Variants in EFCAB13 observed in about 807,000 individuals in gnomAD.
EFCAB13 encodes the protein EF-hand calcium binding domain 13.
A neutral mutation model predicts 110.2 loss-of-function variants in EFCAB13; 91 were observed. The ratio of observed to expected loss-of-function variants is 0.83; its 90% CI spans 0.70 to 0.98. EFCAB13 has a LOEUF of 0.98. Ranked by LOEUF, EFCAB13 falls within the 50% of genes least tolerant of loss-of-function variation. EFCAB13 has a pLI of 0.00. For missense variants in EFCAB13, 968 were observed against 1,119.4 expected (o/e 0.86, Z 1.93); for synonymous variants, 323 against 369.9 (o/e 0.87, Z 1.45).
intron 24 of EFCAB13, among the ~76,000 whole-genome samples, chr17:47,435,235 G>A (rs918029531): frequency 5.9e-5 from 9 of 151,958 alleles, no homozygotes; most frequent in African/African-American, 2.2e-4. Context: ...TGAATAGACA[G>A]TTCTCAAAAG....
Position 47,440,551 on chromosome 17 carries a change from C to A in EFCAB13, c.2759C>A (p.Ala920Glu). The A allele has an allele frequency of 6.2e-7, 1 of 1,613,188 alleles. No homozygotes were observed. The highest frequency in any genetic ancestry group is 8.5e-7 in the Non-Finnish European group (1 of 1,179,602). ...CTYCPDLERQAVVYMLKTIQD... is the reference protein window; with the variant it reads ...CTYCPDLERQEVVYMLKTIQD... ...TATTGCCCAGATCTAGAAAGGCAAG[C>A]AGTGGTTTACATGTTAAAAACAATA... The change falls in exon 25 of 25, where the codon GCA (alanine) becomes GAA (glutamate). Residue 920 changes from alanine (A) to glutamate (E), a missense_variant. Transcript: ENST00000331493.
At chr17:47,385,638 A>G (rs2065671893) in intron 14 of EFCAB13, among the ~76,000 whole-genome samples, 1 of 152,122 alleles carries the variant, frequency 6.6e-6, no homozygotes, top group South Asian at 2.1e-4. Context: ...TCTGAAGCCT[A>G]CGTCTGTCAA....
chr17:47,406,791 G>A (rs1359027522), intron 20 of EFCAB13, among the ~76,000 whole-genome samples: 1 of 152,114 alleles, frequency 6.6e-6, no homozygotes, highest in East Asian at 1.9e-4. Flanking sequence ...GAAATGTCAA[G>A]ATAACTCACA....
chr17:47,403,834 G>T, intron 18 of EFCAB13, 44 bp from the exon 19 acceptor site: 1 of 1,539,186 alleles, frequency 6.5e-7, no homozygotes. Context: ...TGTCTTGAGT[G>T]ATGGCTACTG....
At chr17:47,351,559 G>A (rs1417041649) in intron 9 of EFCAB13, among the ~76,000 whole-genome samples, 3 of 151,868 alleles carry the variant, frequency 2.0e-5, no homozygotes, top group Non-Finnish European at 4.4e-5. Flanking sequence ...CATAATGCTC[G>A]TTTGGCCATT....
At chr17:47,367,883 C>G (rs935289300) in intron 10 of EFCAB13, among the ~76,000 whole-genome samples, 1 of 152,072 alleles carries the variant, frequency 6.6e-6, no homozygotes, top group South Asian at 2.1e-4. Flanking sequence ...CAAAGTTTTC[C>G]AGATTTCTGA....
At chr17:47,341,017 C>G (rs1161806758) in intron 5 of EFCAB13, among the ~76,000 whole-genome samples, 3 of 151,874 alleles carry the variant, frequency 2.0e-5, no homozygotes, top group Non-Finnish European at 4.4e-5. Flanking sequence ...ACGTCACCAC[C>G]TAGAGAGTGG....
chr17:47,366,031 T>C (rs1262622070), intron 10 of EFCAB13, among the ~76,000 whole-genome samples: 1 of 152,136 alleles, frequency 6.6e-6, no homozygotes, highest in African/African-American at 2.4e-5. Context: ...TAAGGAATAA[T>C]ATAACACAGT....
chr17:47,387,215 C>A (rs1333091628), intron 14 of EFCAB13, among the ~76,000 whole-genome samples: 1 of 152,164 alleles, frequency 6.6e-6, no homozygotes, highest in Non-Finnish European at 1.5e-5. Context: ...GTTGAGACTT[C>A]TTTTGTGGCC....
In EFCAB13 at chr17:47,349,899, C is replaced by T. The variant is rs1043874985; in HGVS notation, c.661+1948C>T. Among the ~76,000 whole-genome samples, 23 of 151,272 alleles carry T rather than the reference C, an allele frequency of 1.5e-4. No homozygotes were observed. The South Asian group carries it at 2.3e-3, about 15-fold the overall frequency. On this transcript the variant is annotated intron_variant, in intron 9 of 24. Coordinates refer to ENST00000331493, the MANE Select transcript of EFCAB13 (RefSeq NM_152347.5). Reference sequence around the variant, plus strand: ...ACGCCATTCTCCTGCCTCAGCCTCCCGAGTAGCTGGGACTACAGGTGCCCG... The same window carrying T: ...ACGCCATTCTCCTGCCTCAGCCTCCTGAGTAGCTGGGACTACAGGTGCCCG...
At chr17:47,365,474 G>A (rs76909769) in intron 10 of EFCAB13, among the ~76,000 whole-genome samples, 1,960 of 152,240 alleles carry the variant, frequency 0.013, 40 homozygotes, top group East Asian at 0.066. Context: ...AAAAAGATAA[G>A]ATAAAGTACT....
At chr17:47,432,727 C>T (rs1033812414) in intron 24 of EFCAB13, among the ~76,000 whole-genome samples, 2 of 152,104 alleles carry the variant, frequency 1.3e-5, no homozygotes, top group East Asian at 1.9e-4. Flanking sequence ...TTAGGGATAA[C>T]ATATCTTTTT....
At chr17:47,397,273 C>A (rs1371222172) in intron 17 of EFCAB13, among the ~76,000 whole-genome samples, 1 of 152,156 alleles carries the variant, frequency 6.6e-6, no homozygotes, top group Non-Finnish European at 1.5e-5. Flanking sequence ...CTCGGCCTCC[C>A]GGGGTGCCGG....
chr17:47,359,620 A>C (rs1302937300), intron 9 of EFCAB13, among the ~76,000 whole-genome samples: 3 of 137,750 alleles, frequency 2.2e-5, no homozygotes, highest in Non-Finnish European at 4.7e-5. Context: ...TTTTTTTTTC[A>C]ATTTTTTTTT....
chr17:47,395,846 C>G lies in EFCAB13; in HGVS notation c.1814C>G (p.Ala605Gly), dbSNP rs765946427. Residue 605 changes from alanine (A) to glycine (G), a missense_variant, in exon 17 of 25, where the codon GCT (alanine) becomes GGT (glycine). By Grantham distance (60) the Ala-to-Gly change is moderately conservative (BLOSUM62 0). Transcript: ENST00000331493. The part of the protein sequence containing the change: ...CFSEKLVLPD[A>G]IETLDDLRKE... ...ATCTACCCTTTAGTATTGCCTGATG[C>G]TATTGAAACCCTCGACGATCTCAGA... The G allele has an allele frequency of 1.2e-6, 2 of 1,606,970 alleles. No homozygotes were observed. Among genetic ancestry groups the G allele is most frequent in the Non-Finnish European group, 1.7e-6 (2 of 1,175,694 alleles).
chr17:47,383,269 CTCTA>C (rs1434807386), intron 14 of EFCAB13, among the ~76,000 whole-genome samples: 2 of 152,074 alleles, frequency 1.3e-5, no homozygotes, highest in Admixed American at 6.6e-5. Context: ...CTCTTCATGT[CTCTA>C]TCTCTTTCTG....
intron 14 of EFCAB13, among the ~76,000 whole-genome samples, chr17:47,385,368 G>A (rs1224543777): frequency 6.6e-6 from 1 of 151,596 alleles, no homozygotes; most frequent in Non-Finnish European, 1.5e-5. Context: ...CTCTAATCCT[G>A]TCTTCATGTC....
intron 13 of EFCAB13, among the ~76,000 whole-genome samples, chr17:47,378,387 G>T (rs2079739387): frequency 6.6e-6 from 1 of 152,182 alleles, no homozygotes; most frequent in Admixed American, 6.5e-5. Flanking sequence ...GTTAAAGGCA[G>T]AGTTTAAGTT....
intron 9 of EFCAB13, among the ~76,000 whole-genome samples, chr17:47,349,861 G>A (rs982608141): frequency 2.1e-5 from 3 of 140,124 alleles, no homozygotes; most frequent in African/African-American, 2.7e-5. Flanking sequence ...TGCAAGCTCC[G>A]CTTCCCGGGT....
Sources: allele counts gnomAD v4.1 joint callset (sites outside exome capture counted in the v4.1 genomes callset), GRCh38; gene constraint gnomAD v4.1.1; transcripts MANE v1.5; gene names NCBI Gene and HGNC (gene_info 2026-07-23, HGNC 2026-07-21).